ZNF469: variants seen among roughly 807,000 people sequenced by gnomAD.
ZNF469 encodes zinc finger protein 469.
A neutral mutation model predicts 1.0 loss-of-function variants in ZNF469; 1 was observed. That is an observed-to-expected ratio of 1.00 (90% CI 0.35 to 4.73). The LOEUF is 4.73. ZNF469 is among the 30% of genes most tolerant of loss of function. ZNF469 has a pLI of 0.16. For synonymous variants in ZNF469, 2,703 were observed against 2,363.4 expected, an observed-to-expected ratio of 1.14 and a Z score of -4.17; for missense variants, 6,100 against 5,356.3, an observed-to-expected ratio of 1.14 and a Z score of -4.33.
chr16:88,287,991 T>A, the ZNF469 span, among the ~76,000 whole-genome samples: 3 of 152,130 alleles, frequency 2.0e-5, no homozygotes, highest in African/African-American at 4.8e-5. Flanking sequence ...ATTAATTCAA[T>A]CCCAAACTCA....
At position 88,432,699 on chromosome 16, in the gene ZNF469, C is replaced by G. The variant is rs192819567; in HGVS notation, c.5229C>G (p.Pro1743=). The change falls in exon 3 of 3, where the codon CCC becomes CCG. Residue 1743 remains proline (P), a synonymous_variant. Coordinates refer to ENST00000565624, the MANE Select transcript of ZNF469 (RefSeq NM_001367624.2). ...CCGGGAGTTTAGCAAAGTGCAGCCC[C>G]GACCAGGAACTTTCATTTCCTAAGA... is the stretch of plus-strand genomic sequence containing the variant. ...LDAGSLAKCS[P]DQELSFPKNK... is the part of the protein sequence containing the mutation. 6 of 1,550,302 alleles carry G rather than the reference C, an allele frequency of 3.9e-6. No individual in the cohort carries two copies. Among genetic ancestry groups the G allele is most frequent in the South Asian group, 1.2e-5 (1 of 84,062 alleles).
the ZNF469 span, among the ~76,000 whole-genome samples, chr16:88,324,954 G>A: frequency 2.6e-5 from 4 of 152,170 alleles, no homozygotes; most frequent in Admixed American, 2.6e-4. Flanking sequence ...TTCTGGGGAG[G>A]CCTCAGGAAA....
At chr16:88,181,949 T>C in the ZNF469 span, among the ~76,000 whole-genome samples, 1 of 152,220 alleles carries the variant, frequency 6.6e-6, no homozygotes, top group African/African-American at 2.4e-5. Context: ...AAATTGCCTT[T>C]ATATGCACTC....
At chr16:88,239,703 A>G in the ZNF469 span, among the ~76,000 whole-genome samples, 1 of 6,322 alleles carries the variant, frequency 1.6e-4, no homozygotes, top group Non-Finnish European at 2.4e-4. Context: ...ATATATATAT[A>G]TATATATATA....
chr16:88,244,882 A>G, the ZNF469 span, among the ~76,000 whole-genome samples: 1 of 151,802 alleles, frequency 6.6e-6, no homozygotes. Context: ...TCCCCAGGAG[A>G]TGTGGAACTT....
At chr16:88,360,407 C>A in the ZNF469 span, among the ~76,000 whole-genome samples, 4 of 152,170 alleles carry the variant, frequency 2.6e-5, no homozygotes, top group Non-Finnish European at 5.9e-5. Flanking sequence ...CAACCTAAAA[C>A]CTGCCAACGT....
chr16:88,117,126 G>A, the ZNF469 span, among the ~76,000 whole-genome samples: 18 of 152,052 alleles, frequency 1.2e-4, no homozygotes, highest in Non-Finnish European at 1.6e-4. Flanking sequence ...TCAGGGATGC[G>A]TGAGGGCCAG....
Position 88,434,560 on chromosome 16 carries a change from G to A in ZNF469, c.7090G>A (p.Ala2364Thr), listed in dbSNP as rs957383204. The A allele has an allele frequency of 4.5e-5, 69 of 1,550,158 alleles. No homozygotes were observed. The highest frequency in any genetic ancestry group is 5.5e-5 in the African/African-American group (4 of 73,034). Residue 2364 changes from alanine (A) to threonine (T), a missense_variant, in exon 3 of 3, where the codon GCC (alanine) becomes ACC (threonine). Physicochemically the swap from Ala to Thr is moderately conservative, Grantham distance 58 (BLOSUM62 0). Transcript: ENST00000565624. The stretch of plus-strand genomic sequence containing the variant: ...ACAGGGTGCAGGGCCGGACTCCCCC[G>A]CCTGCCTGGAAGGTGAGATGGGGAC... Reference protein sequence around the residue: ...TLQGAGPDSPACLEGEMGTSS... With the variant: ...TLQGAGPDSPTCLEGEMGTSS...
chr16:88,331,033 C>CCACCATCAT, the ZNF469 span, among the ~76,000 whole-genome samples: 51 of 127,940 alleles, frequency 4.0e-4, no homozygotes, highest in African/African-American at 5.5e-4. Flanking sequence ...ATCACTATTA[C>CCACCATCAT]CACCATCATC....
the ZNF469 span, among the ~76,000 whole-genome samples, chr16:88,324,493 G>A: frequency 6.6e-6 from 1 of 152,208 alleles, no homozygotes; most frequent in Non-Finnish European, 1.5e-5. Context: ...CCCAGAACCA[G>A]GGCTCAGCCC....
chr16:88,296,399 CAT>C, the ZNF469 span, among the ~76,000 whole-genome samples: 25 of 152,234 alleles, frequency 1.6e-4, no homozygotes, highest in Admixed American at 3.9e-4. Flanking sequence ...CATACAGACA[CAT>C]ATGTGCACAC....
the ZNF469 span, among the ~76,000 whole-genome samples, chr16:88,220,788 C>T: frequency 2.0e-5 from 3 of 152,212 alleles, no homozygotes; most frequent in Admixed American, 6.5e-5. Context: ...CATGGGGCCC[C>T]TACACCCTTG....
the ZNF469 span, among the ~76,000 whole-genome samples, chr16:88,307,266 C>T: frequency 6.6e-6 from 1 of 152,234 alleles, no homozygotes; most frequent in South Asian, 2.1e-4. Context: ...GAAGTGTGGG[C>T]TGTTTCCACT....
chr16:88,194,111 T>C, the ZNF469 span, among the ~76,000 whole-genome samples: 1 of 152,184 alleles, frequency 6.6e-6, no homozygotes, highest in African/African-American at 2.4e-5. Context: ...ACTTGGTTTA[T>C]TCCCCCCTCC....
chr16:88,152,246 C>T, the ZNF469 span, among the ~76,000 whole-genome samples: 5 of 152,242 alleles, frequency 3.3e-5, no homozygotes, highest in African/African-American at 1.2e-4. The surrounding 1 kb of genome is among the most constrained non-coding windows in gnomAD (Gnocchi z 4.2). Flanking sequence ...CCGGGCCCCA[C>T]CTTGCTCTGG....
At chr16:88,410,495 TTGA>T (rs1905126545) in intron 1 of ZNF469, among the ~76,000 whole-genome samples, 1 of 141,694 alleles carries the variant, frequency 7.1e-6, no homozygotes, top group Non-Finnish European at 1.5e-5. Flanking sequence ...TATGATGCCG[TTGA>T]TGGTGCAGGT....
At chr16:88,248,421 C>T in the ZNF469 span, among the ~76,000 whole-genome samples, 1 of 152,118 alleles carries the variant, frequency 6.6e-6, no homozygotes, top group Admixed American at 6.6e-5. Flanking sequence ...TCTAAAAATT[C>T]CCCCCAACTG....
At chr16:88,351,672 C>T in the ZNF469 span, among the ~76,000 whole-genome samples, 14 of 152,212 alleles carry the variant, frequency 9.2e-5, no homozygotes, top group African/African-American at 1.7e-4. Flanking sequence ...GAGGTCCAGA[C>T]GGCCCTCTGT....
chr16:88,409,461 T>C (rs1184707402), intron 1 of ZNF469, among the ~76,000 whole-genome samples: 3 of 152,066 alleles, frequency 2.0e-5, no homozygotes, highest in Non-Finnish European at 4.4e-5. Context: ...GTCACCTGCA[T>C]CCTCGGGGCA....
Sources: gnomAD v4.1 joint callset for allele counts (sites outside exome capture counted in the v4.1 genomes callset) on GRCh38, gnomAD v4.1.1 for gene constraint, Gnocchi (gnomAD v3.1) non-coding constraint, MANE v1.5 for transcripts, NCBI Gene and HGNC (gene_info 2026-07-23, HGNC 2026-07-21) for gene names.